The following SERPINI1 variants were observed in gnomAD, a reference collection of about 807,000 sequenced individuals.
SERPINI1 encodes serpin family I member 1.
SERPINI1 carries 19 observed loss-of-function variants against 41.1 expected under a neutral mutation model. The observed-to-expected ratio is 0.46, with a 90% CI of 0.32 to 0.68. The LOEUF (loss-of-function observed/expected upper bound fraction) is 0.68, where lower values mean the gene tolerates loss of function less well. SERPINI1 is among the 30% of genes least tolerant of loss of function. The probability of loss-of-function intolerance (pLI) is 0.03; values close to 1 mark genes in which losing one functional copy is unlikely to be tolerated. For missense variants in SERPINI1, 460 were observed against 479.2 expected, an observed-to-expected ratio of 0.96 and a Z score of 0.37; for synonymous variants, 138 against 156.6, an observed-to-expected ratio of 0.88 and a Z score of 0.89.
At chr3:167,763,317 A>G (rs2108541174) in intron 1 of SERPINI1, among the ~76,000 whole-genome samples, 1 of 151,800 alleles carries the variant, frequency 6.6e-6, no homozygotes, top group Non-Finnish European at 1.5e-5. Flanking sequence ...CTCGTTTCCC[A>G]TTCCTCTCAT....
intron 1 of SERPINI1, among the ~76,000 whole-genome samples, chr3:167,738,839 G>T (rs1725572068): frequency 6.6e-6 from 1 of 150,674 alleles, no homozygotes; most frequent in South Asian, 2.1e-4. Context: ...AATCAAACTG[G>T]TATTCATTAG....
At chr3:167,764,993 C>A (rs568484597) in intron 1 of SERPINI1, among the ~76,000 whole-genome samples, 34 of 152,322 alleles carry the variant, frequency 2.2e-4, no homozygotes, top group African/African-American at 7.9e-4. Context: ...GGCAGCTCCA[C>A]CCCTGTGACT....
intron 5 of SERPINI1, among the ~76,000 whole-genome samples, chr3:167,800,486 A>G (rs982747416): frequency 1.3e-5 from 2 of 152,202 alleles, no homozygotes; most frequent in Non-Finnish European, 2.9e-5. Flanking sequence ...TCTTCAGTGT[A>G]TATGCTTCCT....
At chr3:167,790,711 T>G in intron 3 of SERPINI1, 109 bp downstream of exon 3, 2 of 788,934 alleles carry the variant, frequency 2.5e-6, no homozygotes, top group Non-Finnish European at 4.3e-6. Context: ...TTGAGAGCAT[T>G]TAGTTGGGTA....
intron 1 of SERPINI1, among the ~76,000 whole-genome samples, chr3:167,771,868 C>T (rs1053217711): frequency 3.3e-5 from 5 of 152,192 alleles, no homozygotes; most frequent in African/African-American, 1.2e-4. Context: ...CACGCACATG[C>T]ACACATGGAA....
chr3:167,799,265 T>A (rs182390693), intron 5 of SERPINI1, among the ~76,000 whole-genome samples: 2 of 152,302 alleles, frequency 1.3e-5, no homozygotes, highest in African/African-American at 2.4e-5. Context: ...ATTGTTCAAC[T>A]CCCACTTGTG....
chr3:167,793,575 A>AATATAT (rs1198926852), intron 4 of SERPINI1, among the ~76,000 whole-genome samples: 573 of 134,156 alleles, frequency 4.3e-3, no homozygotes, highest in Non-Finnish European at 7.4e-3. Context: ...TTTCTCTACA[A>AATATAT]ATATATATAT....
chr3:167,820,239 C>T (rs189326618), intron 6 of SERPINI1, among the ~76,000 whole-genome samples: 1 of 152,232 alleles, frequency 6.6e-6, no homozygotes, highest in Non-Finnish European at 1.5e-5. Context: ...AGTGGCCGCT[C>T]CCATGACCCC....
At chr3:167,768,326 A>C (rs906703667) in intron 1 of SERPINI1, among the ~76,000 whole-genome samples, 7 of 152,208 alleles carry the variant, frequency 4.6e-5, no homozygotes, top group African/African-American at 9.6e-5. Context: ...TTATTTTTTT[A>C]GACATAATGC....
chr3:167,819,347 C>A (rs532358042), intron 6 of SERPINI1, among the ~76,000 whole-genome samples: 1 of 151,582 alleles, frequency 6.6e-6, no homozygotes, highest in East Asian at 1.9e-4. Context: ...ATTTTACCAA[C>A]TAAATATATT....
rs573930066 is a variant in SERPINI1 at position 167,801,633 on chromosome 3, G to A, written c.882-5611G>A. Among the ~76,000 whole-genome samples the A allele has an allele frequency of 9.9e-5, 15 of 152,116 alleles. No homozygotes were observed. In the South Asian group the frequency reaches 3.1e-3, roughly 32 times the overall value. On this transcript the variant is annotated intron_variant, in intron 5 of 8. Coordinates refer to ENST00000446050, the MANE Select transcript of SERPINI1 (RefSeq NM_001122752.2). Reference sequence around the variant, plus strand: ...TGACACTTATCTCATAGGGTTGTTCGAGAGCATCATGGAAATCATTAAATA... The same window carrying A: ...TGACACTTATCTCATAGGGTTGTTCAAGAGCATCATGGAAATCATTAAATA...
At chr3:167,772,714 C>T (rs74391532) in intron 1 of SERPINI1, among the ~76,000 whole-genome samples, 19,339 of 150,668 alleles carry the variant, frequency 0.13, 1,512 homozygotes, top group African/African-American at 0.21. Context: ...AAAATATTCT[C>T]TGAAATTCAA....
chr3:167,820,481 G>A (rs557510964), intron 6 of SERPINI1, among the ~76,000 whole-genome samples: 57 of 152,300 alleles, frequency 3.7e-4, no homozygotes, highest in African/African-American at 1.1e-3. Flanking sequence ...CCCTGATCCC[G>A]GAGACCACTC....
intron 6 of SERPINI1, among the ~76,000 whole-genome samples, chr3:167,820,687 C>T (rs1228918264): frequency 6.6e-6 from 1 of 152,188 alleles, no homozygotes; most frequent in Non-Finnish European, 1.5e-5. Context: ...CGCCGCTCAG[C>T]ACGGACAGCC....
intron 8 of SERPINI1, 118 bp from the exon 9 acceptor site, chr3:167,825,129 A>G (rs1304736080): frequency 2.6e-6 from 2 of 759,620 alleles, no homozygotes; most frequent in Admixed American, 1.8e-5. Context: ...AGGAGGAAGG[A>G]AGGAAGGAAG....
intron 1 of SERPINI1, among the ~76,000 whole-genome samples, chr3:167,760,645 G>A (rs914721632): frequency 6.7e-6 from 1 of 149,326 alleles, no homozygotes; most frequent in African/African-American, 2.4e-5. Flanking sequence ...CTGTTTAAAC[G>A]CTATGGGTTG....
At chr3:167,747,355 A>G (rs1429588253) in intron 1 of SERPINI1, among the ~76,000 whole-genome samples, 1 of 152,144 alleles carries the variant, frequency 6.6e-6, no homozygotes, top group African/African-American at 2.4e-5. Flanking sequence ...CTTAAAAACC[A>G]CTAGATTGGC....
chr3:167,757,939 A>C (rs1423676371), intron 1 of SERPINI1, among the ~76,000 whole-genome samples: 1 of 152,108 alleles, frequency 6.6e-6, no homozygotes, highest in Non-Finnish European at 1.5e-5. Flanking sequence ...GAAAAATATA[A>C]ATGTTCCTAA....
At chr3:167,818,324 G>A (rs185541757) in intron 6 of SERPINI1, among the ~76,000 whole-genome samples, 20 of 152,098 alleles carry the variant, frequency 1.3e-4, no homozygotes, top group South Asian at 2.1e-4. Context: ...CACCGCGCCC[G>A]GCCAAATATT....
Sources: gnomAD v4.1 joint callset for allele counts (sites outside exome capture counted in the v4.1 genomes callset) on GRCh38, gnomAD v4.1.1 for gene constraint, MANE v1.5 for transcripts, NCBI Gene and HGNC (gene_info 2026-07-23, HGNC 2026-07-21) for gene names.